The following LRP2 variants were observed in gnomAD, a reference collection of about 807,000 sequenced individuals.
LRP2 encodes the protein low-density lipoprotein receptor-related protein 2.
LRP2 carries 172 observed loss-of-function variants against 531.0 expected under a neutral mutation model. That is an observed-to-expected ratio of 0.32 (90% confidence interval 0.29 to 0.37). The LOEUF is 0.37. Among genes scored for constraint, LRP2 ranks in the 10% least tolerant of loss-of-function variants. The pLI is 1.00. For missense variants in LRP2, 5,167 were observed against 5,868.3 expected, an observed-to-expected ratio of 0.88 and a Z score of 3.90; for synonymous variants, 1,992 against 2,027.6, an observed-to-expected ratio of 0.98 and a Z score of 0.47.
intron 19 of LRP2, among the ~76,000 whole-genome samples, chr2:169,248,877 C>G (rs1202531741): frequency 1.7e-5 from 2 of 114,996 alleles, no homozygotes; most frequent in South Asian, 6.7e-4. Flanking sequence ...GGGTGACGGT[C>G]GCACCTGGAA....
In LRP2 at chr2:169,127,162, T is replaced by C. The variant is rs979022093; in HGVS notation, c.*1501A>G. 2 of 152,594 alleles carry C rather than the reference T, an allele frequency of 1.3e-5. No homozygotes were observed. The highest frequency in any genetic ancestry group is 4.8e-5 in the African/African-American group (2 of 41,430). The allele number at this position is 152,594 out of a possible 1,614,324, so 9.5% of individuals were successfully genotyped here. A position where few individuals can be genotyped will look rare whatever the true frequency, so the allele number is the denominator to read the frequency against. ...TTTTCAGCAGCATTATTTCCAGTTG[T>C]TTATCTAATCAAAGTAATTACAGTC... is the stretch of plus-strand genomic sequence containing the variant. On this transcript the variant is annotated 3_prime_UTR_variant, in exon 79 of 79. Coordinates refer to ENST00000649046, the MANE Select transcript of LRP2 (RefSeq NM_004525.3).
chr2:169,232,212 A>T (rs1244669244), intron 30 of LRP2, among the ~76,000 whole-genome samples: 2 of 66,228 alleles, frequency 3.0e-5, no homozygotes, highest in South Asian at 1.3e-3. Context: ...TTTGCATTAA[A>T]AAAAAAAAAA....
At position 169,181,488 on chromosome 2, in the gene LRP2, C is replaced by T; in HGVS notation, c.10129G>A (p.Asp3377Asn). Residue 3377 changes from aspartate (D) to asparagine (N), a missense_variant, in exon 52 of 79, where the codon GAT becomes AAT. Asp to Asn is a conservative substitution (Grantham distance 23). Coordinates refer to ENST00000649046, the MANE Select transcript of LRP2 (RefSeq NM_004525.3). ...TGGGCATCTGCCCAGTAGAGTAGAT[C>T]ATTGGTGTAATCAATGGTGATGCCA... ...PNGITIDYTN[D>N]LLYWADAHLG... is the part of the protein sequence containing the mutation. 9 of 1,614,122 alleles carry T rather than the reference C, an allele frequency of 5.6e-6. No homozygotes were observed. Among genetic ancestry groups the T allele is most frequent in the Non-Finnish European group, 7.6e-6 (9 of 1,179,994 alleles).
In LRP2 at chr2:169,172,034, G is replaced by A. The variant is rs542010522; in HGVS notation, c.11244C>T (p.Asn3748=). The change falls in exon 58 of 79, where the codon AAC becomes AAT. Residue 3748 remains asparagine (N), a synonymous_variant. Transcript: ENST00000649046. ...QCDGQNDCGD[N]SDEENCAPRE... ...ACTCACCACAGTTTTCCTCATCTGA[G>A]TTATCTCCACAGTCATTTTGCCCAT... 2.1e-4 allele frequency: 340 copies of A among 1,614,160 alleles called. 1 individual carries two copies. The South Asian group carries it at 3.2e-3, about 15-fold the overall frequency.
At chr2:169,192,066 T>G in intron 47 of LRP2, 33 bp from the exon 48 acceptor site, 1 of 1,572,176 alleles carries the variant, frequency 6.4e-7, no homozygotes, top group South Asian at 1.1e-5. Flanking sequence ...TCAGAAAGCA[T>G]GAGAGCTCAG....
chr2:169,143,032 T>C (rs1685780266), intron 70 of LRP2, among the ~76,000 whole-genome samples: 1 of 152,176 alleles, frequency 6.6e-6, no homozygotes. Context: ...CATTTTCTAT[T>C]GGCATCACTT....
At position 169,168,042 on chromosome 2, in the gene LRP2, T is replaced by TATATATATAC. The variant is rs1574090048; in HGVS notation, c.11635+496_11635+497insGTATATATAT. Reference sequence around the variant, plus strand: ...AAATATATATATATATATATATATATATATGCATCATTCAGCAAGAGGGAA... The same window carrying TATATATATAC: ...AAATATATATATATATATATATATATATATATATACATATGCATCATTCAGCAAGAGGGAA... On this transcript the variant is annotated intron_variant, in intron 61 of 78. Transcript: ENST00000649046. Among the ~76,000 whole-genome samples, 3 of 136,450 alleles carry TATATATATAC rather than the reference T, an allele frequency of 2.2e-5. No homozygotes were observed. The South Asian group carries it at 7.2e-4, about 33-fold the overall frequency. The allele number at this position is 136,450 out of a possible 152,430, so 89.5% of individuals were successfully genotyped here. A position where few individuals can be genotyped will look rare whatever the true frequency, so the allele number is the denominator to read the frequency against.
chr2:169,202,829 G>A lies in LRP2; in HGVS notation c.8136C>T (p.Cys2712=). Residue 2712 remains cysteine (C), a synonymous_variant, in exon 43 of 79, where the codon TGC becomes TGT. Coordinates refer to ENST00000649046, the MANE Select transcript of LRP2 (RefSeq NM_004525.3). ...ASSFTCSNGR[C]ISEEWKCDND... is the part of the protein sequence containing the mutation. ...TATCACACTTCCACTCTTCCGAGAT[G>A]CAGCGCCCATTGGAGCAGGTGAAGG... The A allele has an allele frequency of 6.2e-7, 1 of 1,613,960 alleles. No individual in the cohort carries two copies. Among genetic ancestry groups the A allele is most frequent in the Non-Finnish European group, 8.5e-7 (1 of 1,179,874 alleles).
Position 169,201,761 on chromosome 2 carries a change from T to TG in LRP2, c.8318dup (p.Gly2774ArgfsTer17). On this transcript the variant is annotated frameshift_variant, in exon 44 of 79. Transcript: ENST00000649046. LOFTEE classifies it high-confidence loss of function. Reference sequence around the variant, plus strand: ...CATTGCAGTCCCTGAACAGGCACCCTGCCTCATCACTGCCATCACCACAGT... The same window carrying TG: ...CATTGCAGTCCCTGAACAGGCACCCTGGCCTCATCACTGCCATCACCACAGT... The TG allele has an allele frequency of 6.2e-7, 1 of 1,614,236 alleles. No individual in the cohort carries two copies. Among genetic ancestry groups the TG allele is most frequent in the Non-Finnish European group, 8.5e-7 (1 of 1,180,048 alleles).
At chr2:169,274,600 G>GA in intron 14 of LRP2, among the ~76,000 whole-genome samples, 1 of 151,900 alleles carries the variant, frequency 6.6e-6, no homozygotes, top group African/African-American at 2.4e-5. Context: ...CAGAGAAGAA[G>GA]AAAAAAATGG....
chr2:169,144,073 A>T (rs972035334), intron 70 of LRP2, among the ~76,000 whole-genome samples: 5 of 152,178 alleles, frequency 3.3e-5, no homozygotes, highest in African/African-American at 1.2e-4. Flanking sequence ...GGTGGGCCTG[A>T]GAGACTGCAT....
rs899901706 is a variant in LRP2 at position 169,154,600 on chromosome 2, C to G, written c.12155G>C (p.Ser4052Thr). The change falls in exon 66 of 79, where the codon AGC becomes ACC. Residue 4052 changes from serine to threonine, a missense_variant. Coordinates refer to ENST00000649046, the MANE Select transcript of LRP2 (RefSeq NM_004525.3). Reference protein sequence around the residue: ...RPGKRCAAEGSSPLLLLPDNV... With the variant: ...RPGKRCAAEGTSPLLLLPDNV... ...GTCAGGCAGTAGCAACAAAGGAGAG[C>G]TACCTGTAAACAAACAAAGGGCTAC... The G allele has an allele frequency of 6.2e-7, 1 of 1,613,376 alleles. No homozygotes were observed.
At chr2:169,222,023 T>C (rs776159015) in intron 33 of LRP2, among the ~76,000 whole-genome samples, 2 of 152,178 alleles carry the variant, frequency 1.3e-5, no homozygotes, top group Non-Finnish European at 2.9e-5. Flanking sequence ...GTTTCTCTTA[T>C]TTTCAAGTTG....
Position 169,193,742 on chromosome 2 carries a change from A to G in LRP2, c.8830+19T>C. ...CCCTGGAATGTGACTCTGCAGAGGA[A>G]TTAATTGGCTTCACTTACGACACTG... On this transcript the variant is annotated intron_variant, in intron 47 of 78. Transcript: ENST00000649046. 2 of 1,614,082 alleles carry G rather than the reference A, an allele frequency of 1.2e-6. No individual in the cohort carries two copies. Among genetic ancestry groups the G allele is most frequent in the South Asian group, 2.2e-5 (2 of 91,084 alleles).
Position 169,237,171 on chromosome 2 carries a change from G to T in LRP2, c.4623C>A (p.Ser1541Arg), listed in dbSNP as rs1689637478. ...TTTTACTAATCAGCACAGTCCTGTG[G>T]CTCCCATCAATTTTGGAGACTTCAA... The part of the protein sequence containing the change: ...ETIEVSKIDG[S>R]HRTVLISKNL... Residue 1541 changes from serine (S) to arginine (R), a missense_variant, in exon 28 of 79, where the codon AGC (serine) becomes AGA (arginine). By Grantham distance (110) the Ser-to-Arg change is moderately radical. Coordinates refer to ENST00000649046, the MANE Select transcript of LRP2 (RefSeq NM_004525.3). The T allele has an allele frequency of 3.1e-6, 5 of 1,613,912 alleles. No homozygotes were observed. The highest frequency in any genetic ancestry group is 4.2e-6 in the Non-Finnish European group (5 of 1,179,878).
intron 7 of LRP2, among the ~76,000 whole-genome samples, chr2:169,292,003 T>C (rs918728746): frequency 3.3e-5 from 5 of 152,168 alleles, no homozygotes; most frequent in African/African-American, 1.2e-4. Context: ...GTCCTACCTA[T>C]TTTGCCTTAA....
chr2:169,326,973 C>A (rs1685084384), intron 1 of LRP2, among the ~76,000 whole-genome samples: 1 of 141,430 alleles, frequency 7.1e-6, no homozygotes, highest in Non-Finnish European at 1.6e-5. Flanking sequence ...GGAGACCCTC[C>A]ACCCAGCATC....
intron 1 of LRP2, among the ~76,000 whole-genome samples, chr2:169,332,218 A>C (rs1211073585): frequency 6.6e-6 from 1 of 152,232 alleles, no homozygotes; most frequent in Non-Finnish European, 1.5e-5. Context: ...TAGATTTGGT[A>C]ATTCCCCATA....
intron 1 of LRP2, among the ~76,000 whole-genome samples, chr2:169,357,639 C>T (rs563340056): frequency 6.6e-5 from 10 of 152,130 alleles, no homozygotes; most frequent in Admixed American, 1.3e-4. Flanking sequence ...TCAGCACCTT[C>T]TACTTTCTAC....
Sources: gnomAD v4.1 joint callset for allele counts (sites outside exome capture counted in the v4.1 genomes callset) on GRCh38, gnomAD v4.1.1 for gene constraint, MANE v1.5 for transcripts, NCBI Gene and HGNC (gene_info 2026-07-23, HGNC 2026-07-21) for gene names.